Variants in SAMMSON observed in about 807,000 individuals in gnomAD.
SAMMSON encodes the protein survival associated mitochondrial melanoma specific oncogenic non-coding RNA.
At position 70,301,755 on chromosome 3, in the gene SAMMSON, C is replaced by A. The variant is rs994215814; in HGVS notation, n.739+10512C>A. ...TCTCAAGAAGATTTATTTATATAAA[C>A]TTTTCATATTTTATGGAATTTATAT... On this transcript the variant is annotated intron_variant and non_coding_transcript_variant, in intron 7 of 9. Coordinates refer to ENST00000642114, the Ensembl canonical transcript of SAMMSON. Among the ~76,000 whole-genome samples the A allele has an allele frequency of 8.6e-5, 13 of 152,032 alleles. No individual in the cohort carries two copies. The South Asian group carries it at 2.3e-3, about 27-fold the overall frequency.
chr3:70,260,424 A>T (rs1205217887), intron 6 of SAMMSON, among the ~76,000 whole-genome samples: 1 of 152,054 alleles, frequency 6.6e-6, no homozygotes, highest in Non-Finnish European at 1.5e-5. Context: ...AAGTCTCATT[A>T]TGAGGTAATG....
chr3:70,395,348 T>TGTG (rs1553662089), intron 2 of SAMMSON, among the ~76,000 whole-genome samples: 6 of 149,738 alleles, frequency 4.0e-5, no homozygotes, highest in African/African-American at 1.5e-4. Flanking sequence ...TTTTTTTTTT[T>TGTG]TGTGTTGTTG....
intron 7 of SAMMSON, among the ~76,000 whole-genome samples, chr3:70,297,004 C>T (rs778937342): frequency 6.6e-6 from 1 of 151,998 alleles, no homozygotes; most frequent in Non-Finnish European, 1.5e-5. Context: ...CCGCCTCCCC[C>T]ACCACACATA....
intron 3 of SAMMSON, among the ~76,000 whole-genome samples, chr3:70,025,539 A>G (rs769987972): frequency 6.6e-6 from 1 of 152,214 alleles, no homozygotes; most frequent in Non-Finnish European, 1.5e-5. Flanking sequence ...CACCGTGCCT[A>G]GCCTGTTTTA....
intron 7 of SAMMSON, among the ~76,000 whole-genome samples, chr3:70,346,597 A>T (rs1702752494): frequency 6.6e-6 from 1 of 152,122 alleles, no homozygotes; most frequent in Non-Finnish European, 1.5e-5. Context: ...TAAGGGGAAA[A>T]ATCTTCTCAA....
intron 2 of SAMMSON, chr3:70,012,674 T>A (rs1360310351): frequency 3.9e-5 from 6 of 152,182 alleles, no homozygotes; most frequent in Non-Finnish European, 8.8e-5. Flanking sequence ...CTGGTGTACT[T>A]ACTTGCCCCT....
intron 4 of SAMMSON, among the ~76,000 whole-genome samples, chr3:70,181,314 GT>G (rs1701051905): frequency 6.6e-6 from 1 of 152,168 alleles, no homozygotes; most frequent in Admixed American, 6.5e-5. Context: ...AGAGGTTCAA[GT>G]TTTAAGCTAA....
chr3:70,196,405 G>A (rs1460508026), intron 4 of SAMMSON, among the ~76,000 whole-genome samples: 3 of 152,038 alleles, frequency 2.0e-5, no homozygotes, highest in African/African-American at 7.2e-5. Context: ...GTACATATAA[G>A]TGAATTTTAA....
At chr3:70,216,886 C>T (rs1701416780) in intron 4 of SAMMSON, among the ~76,000 whole-genome samples, 2 of 152,080 alleles carry the variant, frequency 1.3e-5, no homozygotes, top group Admixed American at 1.3e-4. Flanking sequence ...GCCAGGGATG[C>T]TGCTGAACAA....
rs147115830 is a variant in SAMMSON, at chr3:70,377,349, A to G, written n.914-12225A>G. 2.6e-5 allele frequency among the ~76,000 whole-genome samples: 4 copies of G among 152,262 alleles called. No individual in the cohort carries two copies. The East Asian group carries it at 7.7e-4, about 29-fold the overall frequency. ...GAAAGAAATGTAACTGTGTATACTT[A>G]GAAAATTAAGATGTAATGAAGATGG... On this transcript the variant is annotated intron_variant and non_coding_transcript_variant, in intron 9 of 9. Transcript: ENST00000642114.
At chr3:70,377,899 A>G (rs560584505) in intron 9 of SAMMSON, among the ~76,000 whole-genome samples, 18 of 152,156 alleles carry the variant, frequency 1.2e-4, no homozygotes, top group African/African-American at 1.7e-4. Flanking sequence ...ATTAATATCA[A>G]TGTGATACTC....
intron 4 of SAMMSON, among the ~76,000 whole-genome samples, chr3:70,166,758 A>T (rs2067638989): frequency 6.6e-6 from 1 of 151,994 alleles, no homozygotes; most frequent in African/African-American, 2.4e-5. Flanking sequence ...TAGAATATTA[A>T]CATTGAATAC....
intron 4 of SAMMSON, among the ~76,000 whole-genome samples, chr3:70,136,592 A>G (rs1459668300): frequency 6.6e-6 from 1 of 152,236 alleles, no homozygotes; most frequent in Non-Finnish European, 1.5e-5. Context: ...AAACTGTGTG[A>G]GATAGTAAAT....
intron 3 of SAMMSON, among the ~76,000 whole-genome samples, chr3:70,045,529 C>T (rs1028282846): frequency 6.6e-6 from 1 of 151,572 alleles, no homozygotes; most frequent in Non-Finnish European, 1.5e-5. Context: ...TCATCCAACC[C>T]CCTTTTTCTT....
At chr3:70,385,647 A>G (rs147725879) in intron 9 of SAMMSON, among the ~76,000 whole-genome samples, 3,439 of 152,114 alleles carry the variant, frequency 0.023, 96 homozygotes, top group South Asian at 0.085. Flanking sequence ...TAGTCTGTCA[A>G]TACTGAAGAT....
chr3:70,200,188 C>A (rs1300148427), intron 4 of SAMMSON, among the ~76,000 whole-genome samples: 1 of 152,206 alleles, frequency 6.6e-6, no homozygotes, highest in Admixed American at 6.5e-5. Flanking sequence ...CAGCCACCAG[C>A]AGGTCAACAG....
At chr3:70,335,843 TATG>T (rs1702656067) in intron 7 of SAMMSON, among the ~76,000 whole-genome samples, 1 of 152,042 alleles carries the variant, frequency 6.6e-6, no homozygotes, top group Non-Finnish European at 1.5e-5. Context: ...AGATTTGAAA[TATG>T]ATATTAATCT....
At chr3:70,133,409 G>A (rs905847778) in intron 4 of SAMMSON, among the ~76,000 whole-genome samples, 2 of 152,158 alleles carry the variant, frequency 1.3e-5, no homozygotes, top group African/African-American at 4.8e-5. Context: ...CCCATGTCTT[G>A]CCCTAAGCAT....
chr3:70,338,598 A>G (rs1321096978), intron 7 of SAMMSON, among the ~76,000 whole-genome samples: 1 of 152,136 alleles, frequency 6.6e-6, no homozygotes, highest in Non-Finnish European at 1.5e-5. Flanking sequence ...GCATTCCTAC[A>G]CACCAATAAC....
Sources: gnomAD v4.1 joint callset for allele counts (sites outside exome capture counted in the v4.1 genomes callset) on GRCh38, gnomAD v4.1.1 for gene constraint, MANE v1.5 for transcripts, NCBI Gene and HGNC (gene_info 2026-07-23, HGNC 2026-07-21) for gene names.